The following ADGRL3 variants were observed in gnomAD, a reference collection of about 807,000 sequenced individuals.
The protein encoded by ADGRL3 is adhesion G protein-coupled receptor L3, also known as calcium-independent alpha-latrotoxin receptor 3.
In ADGRL3, 62 loss-of-function variants were observed where a neutral mutation model predicts 153.5. The ratio of observed to expected loss-of-function variants is 0.40; its 90% CI spans 0.33 to 0.50. The LOEUF (loss-of-function observed/expected upper bound fraction) is 0.50, where lower values mean the gene tolerates loss of function less well. Ranked by LOEUF, ADGRL3 falls within the 20% of genes least tolerant of loss-of-function variation. ADGRL3 has a pLI of 0.47. For missense variants in ADGRL3, 1,641 were observed against 1,859.4 expected, an observed-to-expected ratio of 0.88 and a Z score of 2.16; for synonymous variants, 710 against 672.5, an observed-to-expected ratio of 1.06 and a Z score of -0.86.
In ADGRL3 at chr4:61,832,011, T is replaced by G. The variant is rs189242778; in HGVS notation, c.1480+18122T>G. Among the ~76,000 whole-genome samples, 8 of 152,254 alleles carry G rather than the reference T, an allele frequency of 5.3e-5. No homozygotes were observed. In the East Asian group the frequency reaches 1.5e-3, roughly 29 times the overall value. ...CACCTGAGTAGACCTCAGAGCCTGT[T>G]CTAAACCACCAGATGCATTTGGCAG... On this transcript the variant is annotated intron_variant, in intron 9 of 26. Transcript: ENST00000683033.
chr4:62,050,890 G>C (rs1431487917), intron 25 of ADGRL3, among the ~76,000 whole-genome samples: 1 of 151,694 alleles, frequency 6.6e-6, no homozygotes, highest in Non-Finnish European at 1.5e-5. Flanking sequence ...TAACAAATCA[G>C]TGTAACCAAA....
intron 4 of ADGRL3, among the ~76,000 whole-genome samples, chr4:61,573,151 A>C (rs1304330676): frequency 6.6e-6 from 1 of 152,030 alleles, no homozygotes; most frequent in Non-Finnish European, 1.5e-5. Flanking sequence ...GCTATCCAGC[A>C]GGATATTCTG....
intron 1 of ADGRL3, among the ~76,000 whole-genome samples, chr4:61,308,015 T>A (rs1431034757): frequency 6.6e-6 from 1 of 152,166 alleles, no homozygotes; most frequent in Non-Finnish European, 1.5e-5. Flanking sequence ...CGCCTGCTTA[T>A]TTGTCCAGGA....
At chr4:61,230,453 G>T (rs549676660) in intron 1 of ADGRL3, among the ~76,000 whole-genome samples, 73 of 152,298 alleles carry the variant, frequency 4.8e-4, no homozygotes, top group African/African-American at 1.7e-3. Flanking sequence ...TTAAGAAATT[G>T]TAAGGAGAGA....
chr4:61,518,943 C>T (rs1490544352), intron 4 of ADGRL3, among the ~76,000 whole-genome samples: 1 of 152,088 alleles, frequency 6.6e-6, no homozygotes, highest in Non-Finnish European at 1.5e-5. Context: ...CTTCAGCAGT[C>T]ACAATTATTT....
At chr4:61,995,765 A>T (rs2099119555) in intron 19 of ADGRL3, among the ~76,000 whole-genome samples, 1 of 152,150 alleles carries the variant, frequency 6.6e-6, no homozygotes, top group African/African-American at 2.4e-5. Flanking sequence ...ATGAGCAGTA[A>T]CAATGCACTT....
chr4:61,580,687 C>A (rs2098921007), intron 4 of ADGRL3, among the ~76,000 whole-genome samples: 3 of 152,000 alleles, frequency 2.0e-5, no homozygotes, highest in Admixed American at 2.0e-4. Flanking sequence ...GGATGGAAGA[C>A]CAGCTTCCAA....
At chr4:61,696,724 G>A (rs748122522) in intron 6 of ADGRL3, among the ~76,000 whole-genome samples, 5 of 130,676 alleles carry the variant, frequency 3.8e-5, no homozygotes, top group African/African-American at 6.0e-5. Context: ...CGCCCAGGCT[G>A]GAGTGCAGTG....
chr4:61,224,991 G>A (rs1747286356), intron 1 of ADGRL3, among the ~76,000 whole-genome samples: 1 of 152,132 alleles, frequency 6.6e-6, no homozygotes, highest in Non-Finnish European at 1.5e-5. Flanking sequence ...GTGGAGAATG[G>A]GGAAGGACAA....
chr4:61,587,487 C>A, intron 5 of ADGRL3, 47 bp downstream of exon 5: 1 of 1,323,432 alleles, frequency 7.6e-7, no homozygotes, highest in Non-Finnish European at 1.1e-6. Flanking sequence ...TATAAACCTT[C>A]AACATCAATC....
rs1447059880 is a variant in ADGRL3, at chr4:62,073,013, G to A, written c.*2105G>A. On this transcript the variant is annotated 3_prime_UTR_variant, in exon 27 of 27. Coordinates refer to ENST00000683033, the MANE Select transcript of ADGRL3 (RefSeq NM_001387552.1). Reference sequence around the variant, plus strand: ...ACTTTCTAGATCTCTCATTACTGCAGATCCTTTATAGCAGTGTCCAAGTAC... The same window carrying A: ...ACTTTCTAGATCTCTCATTACTGCAAATCCTTTATAGCAGTGTCCAAGTAC... 6.6e-6 allele frequency: 1 copy of A among 152,222 alleles called. No individual in the cohort carries two copies. The highest frequency in any genetic ancestry group is 1.9e-4 in the East Asian group (1 of 5,164). 9.4% of individuals were successfully genotyped at this position (152,222 alleles called of 1,614,324 possible).
intron 6 of ADGRL3, among the ~76,000 whole-genome samples, chr4:61,709,951 C>T (rs1180345573): frequency 6.6e-6 from 1 of 152,122 alleles, no homozygotes; most frequent in Non-Finnish European, 1.5e-5. Context: ...ATGATATAGC[C>T]ATGCTATGTC....
chr4:61,288,932 A>C (rs1246986760), intron 1 of ADGRL3, among the ~76,000 whole-genome samples: 1 of 152,024 alleles, frequency 6.6e-6, no homozygotes, highest in Non-Finnish European at 1.5e-5. Flanking sequence ...GTGCTTCCTC[A>C]ACCAGGGCAC....
intron 9 of ADGRL3, among the ~76,000 whole-genome samples, chr4:61,890,838 T>C (rs955482492): frequency 6.6e-6 from 1 of 152,204 alleles, no homozygotes; most frequent in African/African-American, 2.4e-5. Flanking sequence ...AGTGACACCA[T>C]TGACACACTT....
chr4:61,772,673 T>G (rs2097100449), intron 8 of ADGRL3, among the ~76,000 whole-genome samples: 1 of 152,162 alleles, frequency 6.6e-6, no homozygotes, highest in African/African-American at 2.4e-5. Context: ...TGATTCCTCT[T>G]TCCCCTCCAT....
intron 21 of ADGRL3, among the ~76,000 whole-genome samples, chr4:62,005,042 A>C (rs1345597421): frequency 1.3e-5 from 2 of 152,132 alleles, no homozygotes; most frequent in African/African-American, 2.4e-5. Context: ...ACACTACTAG[A>C]CTTGCTTCAG....
At chr4:61,456,282 C>T (rs2097735270) in intron 2 of ADGRL3, among the ~76,000 whole-genome samples, 1 of 148,652 alleles carries the variant, frequency 6.7e-6, no homozygotes, top group Admixed American at 7.0e-5. Flanking sequence ...CTGTTTCATT[C>T]TCTTGACCTC....
chr4:61,268,674 T>A (rs1402940928), intron 1 of ADGRL3, among the ~76,000 whole-genome samples: 1 of 151,608 alleles, frequency 6.6e-6, no homozygotes, highest in Non-Finnish European at 1.5e-5. Flanking sequence ...TCCAGTGGTG[T>A]GTGGCATGTT....
chr4:62,059,503 G>A (rs1220452548), intron 25 of ADGRL3, among the ~76,000 whole-genome samples: 2 of 152,234 alleles, frequency 1.3e-5, no homozygotes, highest in African/African-American at 4.8e-5. Flanking sequence ...TTTAAGTAGC[G>A]ATTAGTTTCT....
Sources: allele counts gnomAD v4.1 joint callset (sites outside exome capture counted in the v4.1 genomes callset), GRCh38; gene constraint gnomAD v4.1.1; transcripts MANE v1.5; gene names NCBI Gene and HGNC (gene_info 2026-07-23, HGNC 2026-07-21).